Variants in DIS3L2 observed in about 807,000 individuals in gnomAD.
DIS3L2 encodes the protein DIS3 like 3'-5' exoribonuclease 2, also known as DIS3-like exonuclease 2.
DIS3L2 carries 34 observed loss-of-function variants against 97.5 expected under a neutral mutation model. The ratio of observed to expected loss-of-function variants is 0.35; its 90% CI spans 0.27 to 0.46. DIS3L2 has a LOEUF of 0.46. DIS3L2 is among the 20% of genes least tolerant of loss of function. The probability of loss-of-function intolerance (pLI) is 1.00; values close to 1 mark genes in which losing one functional copy is unlikely to be tolerated. For missense variants in DIS3L2, 1,038 were observed against 1,146.0 expected, an observed-to-expected ratio of 0.91 and a Z score of 1.36; for synonymous variants, 435 against 445.2, an observed-to-expected ratio of 0.98 and a Z score of 0.29.
At chr2:232,277,239 C>T (rs1694164716) in intron 13 of DIS3L2, among the ~76,000 whole-genome samples, 1 of 152,112 alleles carries the variant, frequency 6.6e-6, no homozygotes, top group Non-Finnish European at 1.5e-5. Flanking sequence ...GCAAGGAAGG[C>T]AAAGGGATGC....
At chr2:232,210,551 T>C (rs1205360017) in intron 10 of DIS3L2, 146 bp downstream of exon 10, 2 of 674,350 alleles carry the variant, frequency 3.0e-6, no homozygotes, top group Non-Finnish European at 2.6e-6. Flanking sequence ...CCTCTGAGCC[T>C]TTACAACTAT....
intron 5 of DIS3L2, among the ~76,000 whole-genome samples, chr2:232,056,124 A>G (rs1189218771): frequency 6.6e-6 from 1 of 152,132 alleles, no homozygotes; most frequent in Non-Finnish European, 1.5e-5. Flanking sequence ...TAATCCCAGC[A>G]CTTTGGGAGG....
In DIS3L2 at chr2:232,333,200, T is replaced by G. The variant is rs1015619622; in HGVS notation, c.2011-640T>G. 4.5e-5 allele frequency among the ~76,000 whole-genome samples: 3 copies of G among 66,768 alleles called. 1 individual carries two copies. Among genetic ancestry groups the G allele is most frequent in the South Asian group, 1.3e-3 (2 of 1,506 alleles). 43.8% of individuals were successfully genotyped at this position (66,768 alleles called of 152,430 possible). On this transcript the variant is annotated intron_variant, in intron 16 of 20. Transcript: ENST00000325385. Reference sequence around the variant, plus strand: ...CGCCTCCTCCTCCTCCTCCTCCTCCTCCTCCTCCTCCTCCTCCTCCGCTGT... The same window carrying G: ...CGCCTCCTCCTCCTCCTCCTCCTCCGCCTCCTCCTCCTCCTCCTCCGCTGT...
At chr2:232,342,531 A>G (rs940257011) in intron 13 of DIS3L2, among the ~76,000 whole-genome samples, 5 of 152,246 alleles carry the variant, frequency 3.3e-5, no homozygotes, top group Admixed American at 3.3e-4. Flanking sequence ...TGAAGTTGAA[A>G]AAAATGTATT....
At chr2:232,136,818 T>C (rs1698372903) in intron 8 of DIS3L2, 99 bp downstream of exon 8, 1 of 1,440,426 alleles carries the variant, frequency 6.9e-7, no homozygotes, top group Admixed American at 2.3e-5. Flanking sequence ...ATTATTTCTT[T>C]ATTGAAGCAC....
chr2:231,998,627 A>G (rs947590589), intron 1 of DIS3L2, among the ~76,000 whole-genome samples: 8 of 152,202 alleles, frequency 5.3e-5, no homozygotes, highest in African/African-American at 1.9e-4. Context: ...TTGTGTTTAC[A>G]TAATATCTTT....
chr2:232,122,848 A>G (rs766380209), intron 6 of DIS3L2, among the ~76,000 whole-genome samples: 16 of 152,198 alleles, frequency 1.1e-4, no homozygotes, highest in Non-Finnish European at 1.9e-4. Flanking sequence ...CATATAAACT[A>G]TTTCCAGTGG....
At chr2:232,053,768 C>T (rs1695472143) in intron 5 of DIS3L2, among the ~76,000 whole-genome samples, 1 of 152,176 alleles carries the variant, frequency 6.6e-6, no homozygotes. Flanking sequence ...GCCACACCCT[C>T]TTGAAGTCCT....
rs545176157 is a variant in DIS3L2, at chr2:232,069,154, G to A, written c.367-18333G>A. 4.3e-4 allele frequency among the ~76,000 whole-genome samples: 65 copies of A among 152,222 alleles called. No homozygotes were observed. In the South Asian group the frequency reaches 0.012, roughly 29 times the overall value. ...TTAGTGAGGTCCAGGATATTTAAGT[G>A]TGTTTCTAAGATGAAATCTGAGGTA... On this transcript the variant is annotated intron_variant, in intron 5 of 20. Coordinates refer to ENST00000325385, the MANE Select transcript of DIS3L2 (RefSeq NM_152383.5).
chr2:232,267,668 G>A (rs1241440955), intron 13 of DIS3L2, among the ~76,000 whole-genome samples: 1 of 152,154 alleles, frequency 6.6e-6, no homozygotes, highest in African/African-American at 2.4e-5. Context: ...TGGGAGAAGG[G>A]GAACTGTGGG....
chr2:232,093,882 ATTTC>A (rs1696921675), intron 6 of DIS3L2, among the ~76,000 whole-genome samples: 1 of 151,192 alleles, frequency 6.6e-6, no homozygotes, highest in African/African-American at 2.4e-5. Flanking sequence ...GACCTTTATT[ATTTC>A]TTCTACTAAT....
At chr2:232,336,210 AC>A (rs1254191674) in intron 20 of DIS3L2, 1 of 1,537,140 alleles carries the variant, frequency 6.5e-7, no homozygotes, top group Admixed American at 2.0e-5. Flanking sequence ...GTTTTCACCA[AC>A]AGTGTGCCCT....
intron 6 of DIS3L2, among the ~76,000 whole-genome samples, chr2:232,102,880 CTTT>C (rs1289765471): frequency 2.0e-5 from 3 of 152,092 alleles, no homozygotes; most frequent in Non-Finnish European, 4.4e-5. Flanking sequence ...TCAGCTGGGT[CTTT>C]TTTCTAAAAA....
intron 5 of DIS3L2, 63 bp downstream of exon 5, chr2:232,030,143 C>T (rs1694765687): frequency 2.1e-6 from 3 of 1,412,398 alleles, no homozygotes; most frequent in African/African-American, 1.4e-5. Flanking sequence ...CCATGGTGCA[C>T]CAACAAGGCA....
Position 232,136,680 on chromosome 2 carries a change from G to C in DIS3L2, c.911G>C (p.Arg304Pro), listed in dbSNP as rs1386953024. The C allele has an allele frequency of 6.2e-7, 1 of 1,613,926 alleles. No homozygotes were observed. The highest frequency in any genetic ancestry group is 8.5e-7 in the Non-Finnish European group (1 of 1,179,926). The part of the protein sequence containing the change: ...KDYANTLFIC[R>P]IVDWKEDCNF... The stretch of plus-strand genomic sequence containing the variant: ...TATGCCAACACACTGTTCATCTGCC[G>C]CATTGTGGACTGGAAGGAGGACTGC... The change falls in exon 8 of 21, where the codon CGC becomes CCC. Residue 304 changes from arginine to proline, a missense_variant. This residue lies in a region of DIS3L2 where 813 missense variants were observed against 880.1 expected (regional missense o/e 0.92). Coordinates refer to ENST00000325385, the MANE Select transcript of DIS3L2 (RefSeq NM_152383.5).
chr2:232,096,205 G>A (rs1697005868), intron 6 of DIS3L2, among the ~76,000 whole-genome samples: 1 of 151,756 alleles, frequency 6.6e-6, no homozygotes, highest in African/African-American at 2.4e-5. Context: ...TCCTGCCTCG[G>A]CCTCCCGAGT....
Position 232,014,896 on chromosome 2 carries a change from A to C in DIS3L2, c.-32A>C, listed in dbSNP as rs767015111. The C allele has an allele frequency of 2.9e-5, 46 of 1,613,014 alleles. No individual in the cohort carries two copies. In the East Asian group the frequency reaches 1.0e-3, roughly 36 times the overall value. ...AGCTAAGCAGTGGAGGTTTCTCTGG[A>C]TCTGGAGAGAAGAGTGACCTTGGAG... On this transcript the variant is annotated 5_prime_UTR_variant, in exon 2 of 21. Transcript: ENST00000325385.
Position 232,335,820 on chromosome 2 carries a change from G to A in DIS3L2, c.2442G>A (p.Pro814=), listed in dbSNP as rs1053320017. 4.3e-5 allele frequency: 66 copies of A among 1,550,754 alleles called. No individual in the cohort carries two copies. Among genetic ancestry groups the A allele is most frequent in the Non-Finnish European group, 5.2e-5 (60 of 1,147,054 alleles). The change falls in exon 20 of 21, where the codon CCG becomes CCA. Residue 814 remains proline, a synonymous_variant. Transcript: ENST00000325385. The part of the protein sequence containing the change: ...SHHFQKVGKK[P]ELTLVWEPED... ...ACTTCCAGAAGGTGGGCAAGAAGCCGGAACTCACGCTGGTCTGGGAGCCTG... is the reference window on the plus strand; with the variant it reads ...ACTTCCAGAAGGTGGGCAAGAAGCCAGAACTCACGCTGGTCTGGGAGCCTG...
intron 9 of DIS3L2, among the ~76,000 whole-genome samples, chr2:232,204,911 T>G (rs1301665711): frequency 6.6e-6 from 1 of 152,132 alleles, no homozygotes; most frequent in African/African-American, 2.4e-5. Context: ...GACAACAGAT[T>G]AAATCACTGG....
Sources: allele counts gnomAD v4.1 joint callset (sites outside exome capture counted in the v4.1 genomes callset), GRCh38; gene constraint gnomAD v4.1.1; regional missense constraint gnomAD v4.1.1; transcripts MANE v1.5; gene names NCBI Gene and HGNC (gene_info 2026-07-23, HGNC 2026-07-21).